The following MAGI2 variants were observed in gnomAD, a reference collection of about 807,000 sequenced individuals.
The protein encoded by MAGI2 is membrane associated guanylate kinase, WW and PDZ domain containing 2.
Under a neutral mutation model 133.3 loss-of-function variants are expected in MAGI2, and 35 were observed. That is an observed-to-expected ratio of 0.26 (90% CI 0.20 to 0.35). The LOEUF (loss-of-function observed/expected upper bound fraction) is 0.35, where lower values mean the gene tolerates loss of function less well. MAGI2 is among the 10% of genes least tolerant of loss of function. MAGI2 has a pLI of 1.00. For synonymous variants in MAGI2, 729 were observed against 710.6 expected, an observed-to-expected ratio of 1.03 and a Z score of -0.41; for missense variants, 1,636 against 1,863.4, an observed-to-expected ratio of 0.88 and a Z score of 2.25.
At chr7:78,968,289 T>C (rs1803499419) in intron 2 of MAGI2, among the ~76,000 whole-genome samples, 1 of 152,098 alleles carries the variant, frequency 6.6e-6, no homozygotes, top group Admixed American at 6.6e-5. Context: ...TTGTGAAAGA[T>C]GCCACTGAGA....
intron 11 of MAGI2, among the ~76,000 whole-genome samples, chr7:78,199,255 C>T (rs556090183): frequency 6.6e-6 from 1 of 152,196 alleles, no homozygotes; most frequent in African/African-American, 2.4e-5. Context: ...GTGTATAAAC[C>T]TACATACTGT....
At chr7:78,536,721 T>A (rs55666365) in intron 3 of MAGI2, among the ~76,000 whole-genome samples, 9,431 of 150,546 alleles carry the variant, frequency 0.063, 381 homozygotes, top group Non-Finnish European at 0.094. Context: ...GATTTCTTTT[T>A]AAAAAATTTC....
chr7:78,368,110 G>A (rs1793565731), intron 7 of MAGI2, among the ~76,000 whole-genome samples: 1 of 152,112 alleles, frequency 6.6e-6, no homozygotes, highest in Non-Finnish European at 1.5e-5. Context: ...TGAAAATGAT[G>A]GGTGAATGTA....
chr7:79,136,009 GAAA>G lies in MAGI2; in HGVS notation c.302-128806_302-128804del, dbSNP rs1481117799. Among the ~76,000 whole-genome samples, 59 of 115,702 alleles carry G rather than the reference GAAA, an allele frequency of 5.1e-4. 1 individual carries two copies. The highest frequency in any genetic ancestry group is 2.2e-3 in the South Asian group (8 of 3,708). 75.9% of individuals were successfully genotyped at this position (115,702 alleles called of 152,430 possible). ...AAAGAAAGAAAGAAAGAAAGAGAAA[GAAA>G]GAAAGAAAGAAAGAAGGAAAGAAAG... On this transcript the variant is annotated intron_variant, in intron 1 of 21. Transcript: ENST00000354212.
Position 79,324,526 on chromosome 7 carries a change from C to CATAT in MAGI2, c.301+128490_301+128493dup, listed in dbSNP as rs72246651. On this transcript the variant is annotated intron_variant, in intron 1 of 21. Coordinates refer to ENST00000354212, the MANE Select transcript of MAGI2 (RefSeq NM_012301.4). ...TACACATATAACCATATATATACAC[C>CATAT]ATATATATATAACCATATATATACA... Among the ~76,000 whole-genome samples the CATAT allele has an allele frequency of 9.3e-5, 3 of 32,256 alleles. 1 individual carries two copies. The highest frequency in any genetic ancestry group is 1.9e-4 in the Non-Finnish European group (3 of 15,630). The allele number at this position is 32,256 out of a possible 152,430, so 21.2% of individuals were successfully genotyped here. A position where few individuals can be genotyped will look rare whatever the true frequency, so the allele number is the denominator to read the frequency against.
intron 2 of MAGI2, among the ~76,000 whole-genome samples, chr7:78,880,602 A>T (rs1005659526): frequency 6.6e-6 from 1 of 152,200 alleles, no homozygotes; most frequent in Non-Finnish European, 1.5e-5. Flanking sequence ...CAAAAGAACA[A>T]TATCTGCTAC....
chr7:79,313,472 G>C (rs774498060), intron 1 of MAGI2, among the ~76,000 whole-genome samples: 1 of 151,502 alleles, frequency 6.6e-6, no homozygotes, highest in Non-Finnish European at 1.5e-5. Flanking sequence ...CTCTCTCTCT[G>C]AGAGAAAGAA....
chr7:79,142,492 C>A (rs900936679), intron 1 of MAGI2, among the ~76,000 whole-genome samples: 2 of 152,202 alleles, frequency 1.3e-5, no homozygotes, highest in South Asian at 2.1e-4. Context: ...TCGGGGTTAC[C>A]GTTCTAGAAA....
chr7:79,364,641 C>A (rs894849016), intron 1 of MAGI2, among the ~76,000 whole-genome samples: 1 of 151,954 alleles, frequency 6.6e-6, no homozygotes, highest in Non-Finnish European at 1.5e-5. Context: ...AGATCCCACA[C>A]AATCATATTC....
chr7:79,243,835 G>C (rs1277889219), intron 1 of MAGI2, among the ~76,000 whole-genome samples: 1 of 152,114 alleles, frequency 6.6e-6, no homozygotes, highest in African/African-American at 2.4e-5. Context: ...AACTCTGTTA[G>C]ATAATAGAAA....
At chr7:78,591,414 G>A (rs1337376376) in intron 3 of MAGI2, among the ~76,000 whole-genome samples, 1 of 152,226 alleles carries the variant, frequency 6.6e-6, no homozygotes, top group African/African-American at 2.4e-5. Context: ...CTGTAGACAA[G>A]AATATATTGA....
intron 1 of MAGI2, among the ~76,000 whole-genome samples, chr7:79,345,294 C>T (rs1211406598): frequency 6.6e-6 from 1 of 152,044 alleles, no homozygotes; most frequent in African/African-American, 2.4e-5. Flanking sequence ...CAAGTTGATG[C>T]TCCCATAAAG....
chr7:78,960,104 A>G (rs1277075404), intron 2 of MAGI2, among the ~76,000 whole-genome samples: 6 of 152,144 alleles, frequency 3.9e-5, no homozygotes, highest in Non-Finnish European at 7.4e-5. Flanking sequence ...TAGAATCCTA[A>G]TGCACCATGT....
intron 12 of MAGI2, 90 bp from the exon 13 acceptor site, chr7:78,185,760 C>G (rs1827631421): frequency 5.2e-6 from 5 of 962,496 alleles, no homozygotes; most frequent in Non-Finnish European, 8.0e-6. Context: ...ATCATAACTC[C>G]CCCAACCACA....
chr7:79,366,821 T>C (rs1842734590), intron 1 of MAGI2, among the ~76,000 whole-genome samples: 1 of 152,214 alleles, frequency 6.6e-6, no homozygotes, highest in Admixed American at 6.5e-5. Flanking sequence ...CAGAATTTTT[T>C]CATAGGATAT....
At chr7:79,268,775 T>C (rs1457599235) in intron 1 of MAGI2, among the ~76,000 whole-genome samples, 1 of 152,108 alleles carries the variant, frequency 6.6e-6, no homozygotes, top group Non-Finnish European at 1.5e-5. Flanking sequence ...ATTTCAACTG[T>C]CAACACCACC....
intron 1 of MAGI2, among the ~76,000 whole-genome samples, chr7:79,324,594 CAA>C (rs1839481103): frequency 2.3e-5 from 1 of 42,748 alleles, no homozygotes; most frequent in African/African-American, 8.3e-5. Flanking sequence ...ATATATATAA[CAA>C]TATATATATA....
rs1821084758 is a variant in MAGI2, at chr7:78,127,271, G to T, written c.3349C>A (p.Pro1117Thr). The change falls in exon 19 of 22, where the codon CCT becomes ACT. Residue 1117 changes from proline to threonine, a missense_variant. Around this residue, in one of 5 missense-constraint regions of MAGI2, gnomAD observed 920 missense variants for 1,093.5 expected, o/e 0.84. Transcript: ENST00000354212. ...TGCTGCCTGTAGTCCAGTAGGGGAG[G>T]CTGCCTGTAGTCCAAGGGTGGGGGC... The part of the protein sequence containing the change: ...QQPPPLDYRQ[P>T]PLLDYRQHSP... 6.2e-7 allele frequency: 1 copy of T among 1,606,702 alleles called. No homozygotes were observed. The highest frequency in any genetic ancestry group is 8.5e-7 in the Non-Finnish European group (1 of 1,175,362).
intron 1 of MAGI2, among the ~76,000 whole-genome samples, chr7:79,140,366 T>G (rs920503731): frequency 6.6e-6 from 1 of 152,198 alleles, no homozygotes; most frequent in Non-Finnish European, 1.5e-5. Flanking sequence ...TTTTTTGAAA[T>G]TCACAAGCTC....
Sources: allele counts gnomAD v4.1 joint callset (sites outside exome capture counted in the v4.1 genomes callset), GRCh38; gene constraint gnomAD v4.1.1; regional missense constraint gnomAD v4.1.1; transcripts MANE v1.5; gene names NCBI Gene and HGNC (gene_info 2026-07-23, HGNC 2026-07-21).